The following CSMD1 variants were observed in gnomAD, a reference collection of about 807,000 sequenced individuals.
CSMD1 encodes CUB and Sushi multiple domains 1.
A neutral mutation model predicts 417.5 loss-of-function variants in CSMD1; 213 were observed. That is an observed-to-expected ratio of 0.51 (90% CI 0.46 to 0.57). The LOEUF (loss-of-function observed/expected upper bound fraction) is 0.57. Ranked by LOEUF, CSMD1 falls within the 20% of genes least tolerant of loss-of-function variation. The pLI is 0.00. For synonymous variants in CSMD1, 2,862 were observed against 1,736.8 expected, an observed-to-expected ratio of 1.65 and a Z score of -16.11; for missense variants, 6,923 against 4,529.7, an observed-to-expected ratio of 1.53 and a Z score of -15.17.
intron 2 of CSMD1, among the ~76,000 whole-genome samples, chr8:4,600,230 A>ATAC (rs111802322): frequency 0.8 from 121,829 of 151,508 alleles, 49,654 homozygotes; most frequent in Non-Finnish European, 0.87. Flanking sequence ...TCCTCACGTG[A>ATAC]TACTCTACTC....
chr8:4,034,277 T>C (rs1286076098), intron 3 of CSMD1, among the ~76,000 whole-genome samples: 1 of 152,192 alleles, frequency 6.6e-6, no homozygotes, highest in Admixed American at 6.5e-5. Context: ...AATACTAGTG[T>C]TTAGATATTG....
intron 12 of CSMD1, among the ~76,000 whole-genome samples, chr8:3,431,320 C>T (rs1330975338): frequency 6.6e-6 from 1 of 152,178 alleles, no homozygotes; most frequent in Non-Finnish European, 1.5e-5. Flanking sequence ...ATACTCTCCT[C>T]TGCTCTACAG....
intron 26 of CSMD1, among the ~76,000 whole-genome samples, chr8:3,267,645 A>T (rs1801530421): frequency 6.6e-6 from 1 of 152,224 alleles, no homozygotes; most frequent in South Asian, 2.1e-4. Flanking sequence ...AAAAGCAAAG[A>T]GCCAACATAC....
intron 5 of CSMD1, among the ~76,000 whole-genome samples, chr8:3,980,194 A>G (rs553939992): frequency 1.2e-4 from 18 of 152,348 alleles, no homozygotes; most frequent in African/African-American, 3.8e-4. Context: ...ACTTTTCACA[A>G]TCAAAATTAG....
At chr8:3,691,742 G>A (rs1398792331) in intron 7 of CSMD1, among the ~76,000 whole-genome samples, 2 of 151,642 alleles carry the variant, frequency 1.3e-5, no homozygotes, top group African/African-American at 4.8e-5. Flanking sequence ...TTTAGAATTT[G>A]AGAAAATGAG....
intron 41 of CSMD1, among the ~76,000 whole-genome samples, chr8:3,140,123 CAA>C (rs1255454991): frequency 1.3e-5 from 2 of 152,138 alleles, no homozygotes; most frequent in Non-Finnish European, 2.9e-5. Flanking sequence ...AGGTTGGTCT[CAA>C]ACTCCTGACC....
Position 4,220,115 on chromosome 8 carries a change from G to A in CSMD1, c.416-188016C>T, listed in dbSNP as rs150295229. 6.2e-3 allele frequency among the ~76,000 whole-genome samples: 948 copies of A among 152,056 alleles called. 3 individuals carry two copies. Among genetic ancestry groups the A allele is most frequent in the Non-Finnish European group, 8.7e-3 (593 of 67,986 alleles). On this transcript the variant is annotated intron_variant, in intron 3 of 69. Transcript: ENST00000635120. ...CAGGCACGTGCCACCATGCCCAGCT[G>A]ATTTTTTGTATTTTCAGTAGAGACA... is the stretch of plus-strand genomic sequence containing the variant.
intron 2 of CSMD1, among the ~76,000 whole-genome samples, chr8:4,490,885 G>C (rs1476640517): frequency 6.6e-6 from 1 of 152,138 alleles, no homozygotes; most frequent in East Asian, 1.9e-4. Flanking sequence ...TACACACAAA[G>C]CACAGCAGTG....
intron 11 of CSMD1, 136 bp from the exon 12 acceptor site, chr8:3,468,960 A>T (rs1816933797): frequency 1.7e-6 from 1 of 582,682 alleles, no homozygotes; most frequent in South Asian, 2.1e-5. Flanking sequence ...CAAAGACTGT[A>T]CAGCCTCTGG....
At chr8:3,972,693 C>T (rs777766506) in intron 5 of CSMD1, among the ~76,000 whole-genome samples, 8 of 152,166 alleles carry the variant, frequency 5.3e-5, no homozygotes, top group Non-Finnish European at 1.2e-4. Context: ...ATGGATATTG[C>T]AAATAGCTTC....
At chr8:4,134,302 G>C (rs769657585) in intron 3 of CSMD1, among the ~76,000 whole-genome samples, 9 of 152,234 alleles carry the variant, frequency 5.9e-5, no homozygotes, top group Middle Eastern at 3.4e-3. Context: ...AAGCCTTTAG[G>C]TTGGTGATTA....
At chr8:4,334,676 C>G (rs917874918) in intron 3 of CSMD1, among the ~76,000 whole-genome samples, 25 of 152,108 alleles carry the variant, frequency 1.6e-4, no homozygotes, top group African/African-American at 4.8e-4. Context: ...TGTAAATCCT[C>G]AAAGCCTATA....
chr8:3,776,998 C>T (rs935221054), intron 5 of CSMD1, among the ~76,000 whole-genome samples: 1 of 151,626 alleles, frequency 6.6e-6, no homozygotes, highest in South Asian at 2.1e-4. Flanking sequence ...ACATGCATGA[C>T]CCCCCACATC....
chr8:4,391,955 A>T (rs1803877048), intron 3 of CSMD1, among the ~76,000 whole-genome samples: 1 of 152,188 alleles, frequency 6.6e-6, no homozygotes, highest in Non-Finnish European at 1.5e-5. Context: ...AGTCTCCTTG[A>T]GCAGAAAGCA....
At chr8:3,959,907 G>A (rs538794807) in intron 5 of CSMD1, among the ~76,000 whole-genome samples, 4 of 152,298 alleles carry the variant, frequency 2.6e-5, no homozygotes, top group African/African-American at 9.6e-5. Context: ...TTATTTAGAT[G>A]TATGGGTATT....
At chr8:4,905,479 G>A (rs1040505252) in intron 1 of CSMD1, among the ~76,000 whole-genome samples, 1 of 151,848 alleles carries the variant, frequency 6.6e-6, no homozygotes, top group Non-Finnish European at 1.5e-5. Flanking sequence ...TCTAAAACAG[G>A]ACACACATTA....
At chr8:3,992,013 A>T (rs1327578705) in intron 5 of CSMD1, among the ~76,000 whole-genome samples, 1 of 152,140 alleles carries the variant, frequency 6.6e-6, no homozygotes, top group Non-Finnish European at 1.5e-5. Context: ...TAGAAATGGC[A>T]TTTTAATTAA....
At chr8:4,157,781 G>C (rs569411994) in intron 3 of CSMD1, among the ~76,000 whole-genome samples, 1 of 152,316 alleles carries the variant, frequency 6.6e-6, no homozygotes, top group African/African-American at 2.4e-5. Context: ...AGCGTTCACA[G>C]CTGGGTGAAC....
At chr8:4,195,238 T>C (rs1194053565) in intron 3 of CSMD1, among the ~76,000 whole-genome samples, 1 of 152,200 alleles carries the variant, frequency 6.6e-6, no homozygotes, top group Non-Finnish European at 1.5e-5. Context: ...GGCAGATTTT[T>C]TAATTTGTTT....
Sources: gnomAD v4.1 joint callset for allele counts (sites outside exome capture counted in the v4.1 genomes callset) on GRCh38, gnomAD v4.1.1 for gene constraint, MANE v1.5 for transcripts, NCBI Gene and HGNC (gene_info 2026-07-23, HGNC 2026-07-21) for gene names.